Variants in PYGO1 observed in about 807,000 individuals in gnomAD.
PYGO1 encodes the protein pygopus family PHD finger 1, also known as pygopus homolog 1.
PYGO1 carries 6 observed loss-of-function variants against 29.5 expected under a neutral mutation model. The observed-to-expected ratio is 0.20, with a 90% CI of 0.11 to 0.40. The LOEUF is 0.40. Ranked by LOEUF, PYGO1 falls within the 10% of genes least tolerant of loss-of-function variation. The pLI is 1.00. For synonymous variants in PYGO1, 186 were observed against 180.5 expected, an observed-to-expected ratio of 1.03 and a Z score of -0.24; for missense variants, 515 against 514.9, an observed-to-expected ratio of 1.00 and a Z score of 0.00.
intron 1 of PYGO1, among the ~76,000 whole-genome samples, chr15:55,564,925 T>C (rs896247884): frequency 6.6e-6 from 1 of 152,176 alleles, no homozygotes; most frequent in Non-Finnish European, 1.5e-5. Context: ...CCTGTGGTTG[T>C]AGGATTAACA....
At chr15:55,579,256 C>A (rs938512224) in intron 1 of PYGO1, among the ~76,000 whole-genome samples, 1 of 152,032 alleles carries the variant, frequency 6.6e-6, no homozygotes, top group Non-Finnish European at 1.5e-5. Flanking sequence ...ATGTGATATC[C>A]TTGAATCTGA....
chr15:55,581,546 T>C (rs1252383061), intron 1 of PYGO1, among the ~76,000 whole-genome samples: 1 of 152,190 alleles, frequency 6.6e-6, no homozygotes, highest in Non-Finnish European at 1.5e-5. Flanking sequence ...TGCAGCATAG[T>C]AGCTAAGATC....
chr15:55,587,400 G>A (rs1186285096), intron 1 of PYGO1, among the ~76,000 whole-genome samples: 1 of 151,864 alleles, frequency 6.6e-6, no homozygotes, highest in Non-Finnish European at 1.5e-5. Context: ...GGGGCCAGGA[G>A]AGACGTGAAA....
chr15:55,551,779 C>T (rs1595982358), intron 1 of PYGO1, among the ~76,000 whole-genome samples: 1 of 151,994 alleles, frequency 6.6e-6, no homozygotes, highest in East Asian at 1.9e-4. Flanking sequence ...TGCACTCTAG[C>T]CTGGGCAACA....
At chr15:55,551,987 A>G (rs1408059679) in intron 1 of PYGO1, among the ~76,000 whole-genome samples, 1 of 152,172 alleles carries the variant, frequency 6.6e-6, no homozygotes, top group Non-Finnish European at 1.5e-5. Context: ...AGAAATATAC[A>G]TGATCATTTC....
At chr15:55,573,034 C>T (rs1295448580) in intron 1 of PYGO1, among the ~76,000 whole-genome samples, 2 of 146,926 alleles carry the variant, frequency 1.4e-5, no homozygotes, top group Non-Finnish European at 3.0e-5. Flanking sequence ...AAGCTGGGCA[C>T]AGTGGCTCAT....
chr15:55,558,519 A>G (rs556740156), intron 1 of PYGO1, among the ~76,000 whole-genome samples: 80 of 152,276 alleles, frequency 5.3e-4, no homozygotes, highest in African/African-American at 1.8e-3. Context: ...TATGGAACCA[A>G]AAAAGAGCCC....
chr15:55,576,513 G>A (rs902111280), intron 1 of PYGO1, among the ~76,000 whole-genome samples: 6 of 144,188 alleles, frequency 4.2e-5, no homozygotes, highest in Non-Finnish European at 6.0e-5. Flanking sequence ...GCTCATGCCT[G>A]TAATCCCAGC....
At position 55,546,126 on chromosome 15, in the gene PYGO1, G is replaced by T; in HGVS notation, c.1157C>A (p.Ala386Glu). The T allele has an allele frequency of 1.9e-6, 3 of 1,614,142 alleles. No individual in the cohort carries two copies. Among genetic ancestry groups the T allele is most frequent in the Non-Finnish European group, 1.7e-6 (2 of 1,180,008 alleles). ...ETAYGLLTAEASAVWGCDTCM... is the reference protein window; with the variant it reads ...ETAYGLLTAEESAVWGCDTCM... ...GGTATCACAGCCCCATACTGCAGAT[G>T]CTTCTGCAGTTAAGAGGCCATAAGC... is the stretch of plus-strand genomic sequence containing the variant. Residue 386 changes from alanine (A) to glutamate (E), a missense_variant, in exon 3 of 3, where the codon GCA becomes GAA. Ala to Glu is a moderately radical substitution (Grantham distance 107). Coordinates refer to ENST00000563719, the MANE Select transcript of PYGO1 (RefSeq NM_001367806.1).
intron 1 of PYGO1, among the ~76,000 whole-genome samples, chr15:55,563,659 T>C (rs1159942144): frequency 6.6e-6 from 1 of 152,168 alleles, no homozygotes; most frequent in Non-Finnish European, 1.5e-5. Flanking sequence ...CACAAATAAA[T>C]TCTTTAGTGG....
intron 1 of PYGO1, among the ~76,000 whole-genome samples, chr15:55,564,431 G>A (rs1200904372): frequency 5.9e-5 from 9 of 152,190 alleles, no homozygotes; most frequent in Admixed American, 5.9e-4. Context: ...GAAATTGGGA[G>A]TTACATGGTA....
chr15:55,586,520 A>G (rs2059047202), intron 1 of PYGO1, among the ~76,000 whole-genome samples: 1 of 152,172 alleles, frequency 6.6e-6, no homozygotes, highest in Non-Finnish European at 1.5e-5. Flanking sequence ...TCTTAATGAT[A>G]TCTATCACCT....
At chr15:55,571,021 A>G (rs1405810275) in intron 1 of PYGO1, among the ~76,000 whole-genome samples, 1 of 128,600 alleles carries the variant, frequency 7.8e-6, no homozygotes, top group Non-Finnish European at 1.6e-5. Context: ...ACAACTCCCC[A>G]TTTTCCCCTT....
upstream of PYGO1, chr15:55,588,895 G>A (rs1402654189): frequency 7.5e-6 from 12 of 1,595,054 alleles, no homozygotes; most frequent in Non-Finnish European, 1.0e-5. Context: ...CGTGGCCGTG[G>A]TGTGGACACC....
chr15:55,559,387 G>A (rs972547617), intron 1 of PYGO1, among the ~76,000 whole-genome samples: 1 of 152,164 alleles, frequency 6.6e-6, no homozygotes, highest in African/African-American at 2.4e-5. Context: ...TGGTGGGACT[G>A]TAAACTAGTT....
At position 55,556,206 on chromosome 15, in the gene PYGO1, C is replaced by A. The variant is rs2058904243; in HGVS notation, c.50-7211G>T. Among the ~76,000 whole-genome samples, 3 of 152,156 alleles carry A rather than the reference C, an allele frequency of 2.0e-5. No homozygotes were observed. In the South Asian group the frequency reaches 6.2e-4, roughly 32 times the overall value. On this transcript the variant is annotated intron_variant, in intron 1 of 2. Transcript: ENST00000563719. ...ACCCAAAAACAACAGAATTTACATT[C>A]TTTTCATCGACACATGGCACTTACT...
At chr15:55,555,230 C>T (rs1222502780) in intron 1 of PYGO1, among the ~76,000 whole-genome samples, 1 of 151,988 alleles carries the variant, frequency 6.6e-6, no homozygotes, top group Non-Finnish European at 1.5e-5. Flanking sequence ...AAAAAATTTC[C>T]AACCAAGAAT....
intron 1 of PYGO1, among the ~76,000 whole-genome samples, chr15:55,576,424 C>A (rs1474985400): frequency 2.6e-5 from 3 of 113,474 alleles, no homozygotes; most frequent in African/African-American, 3.6e-5. Context: ...CCACTGCACT[C>A]CAGCCTGGGC....
rs1595977437 is a variant in PYGO1 at position 55,541,495 on chromosome 15, T to C, written c.*4528A>G. 6.6e-6 allele frequency: 1 copy of C among 152,194 alleles called. No homozygotes were observed. The highest frequency in any genetic ancestry group is 2.4e-5 in the African/African-American group (1 of 41,440). 9.4% of individuals were successfully genotyped at this position (152,194 alleles called of 1,614,324 possible). On this transcript the variant is annotated 3_prime_UTR_variant, in exon 3 of 3. Transcript: ENST00000563719. ...TCCCATGGTATCTGAAATGCGGTCA[T>C]ATTGTCTGAAATGTTAGATATTAAA... is the stretch of plus-strand genomic sequence containing the variant.
Sources: allele counts gnomAD v4.1 joint callset (sites outside exome capture counted in the v4.1 genomes callset), GRCh38; gene constraint gnomAD v4.1.1; transcripts MANE v1.5; gene names NCBI Gene and HGNC (gene_info 2026-07-23, HGNC 2026-07-21).